The following SGCD variants were observed in gnomAD, a reference collection of about 807,000 sequenced individuals.
SGCD encodes the protein delta-sarcoglycan.
A neutral mutation model predicts 36.6 loss-of-function variants in SGCD; 18 were observed. That is an observed-to-expected ratio of 0.49 (90% CI 0.34 to 0.73). The LOEUF (loss-of-function observed/expected upper bound fraction) is 0.73. Ranked by LOEUF, SGCD falls within the 30% of genes least tolerant of loss-of-function variation. The pLI, the probability that SGCD is intolerant of heterozygous loss-of-function variation, is 0.01. For missense variants in SGCD, 387 were observed against 346.7 expected, an observed-to-expected ratio of 1.12 and a Z score of -0.92; for synonymous variants, 133 against 130.6, an observed-to-expected ratio of 1.02 and a Z score of -0.12.
chr5:156,477,073 C>A (rs1755214395), intron 3 of SGCD, among the ~76,000 whole-genome samples: 2 of 150,206 alleles, frequency 1.3e-5, no homozygotes, highest in Non-Finnish European at 1.5e-5. Flanking sequence ...AAGGAAAACC[C>A]ATACAGTTGT....
intron 1 of SGCD, among the ~76,000 whole-genome samples, chr5:156,067,762 G>A (rs1162255962): frequency 7.4e-5 from 10 of 135,500 alleles, no homozygotes; most frequent in Non-Finnish European, 1.4e-4. Flanking sequence ...GACCCCTTGC[G>A]CTTCCCAGGT....
At chr5:156,338,497 A>G (rs947300494) in intron 2 of SGCD, among the ~76,000 whole-genome samples, 7 of 152,234 alleles carry the variant, frequency 4.6e-5, no homozygotes, top group African/African-American at 1.7e-4. Flanking sequence ...TACCAAGTGT[A>G]GGAAGGAAAG....
chr5:156,445,588 G>T (rs1376370458), intron 3 of SGCD, among the ~76,000 whole-genome samples: 1 of 152,056 alleles, frequency 6.6e-6, no homozygotes, highest in Non-Finnish European at 1.5e-5. Context: ...CTAAGGAGCT[G>T]GACTAGCGGG....
At chr5:156,100,272 C>T (rs950875244) in intron 1 of SGCD, among the ~76,000 whole-genome samples, 1 of 151,472 alleles carries the variant, frequency 6.6e-6, no homozygotes, top group African/African-American at 2.4e-5. Flanking sequence ...CTGACAAAAA[C>T]TAGGATTGGC....
At chr5:156,386,391 TATTAAC>T (rs1224430820) in intron 3 of SGCD, among the ~76,000 whole-genome samples, 16 of 152,344 alleles carry the variant, frequency 1.1e-4, no homozygotes, top group South Asian at 8.3e-4. Context: ...TTAATACAAA[TATTAAC>T]ATAGCACAAA....
chr5:156,414,393 T>C (rs1464522657), intron 3 of SGCD, among the ~76,000 whole-genome samples: 2 of 152,250 alleles, frequency 1.3e-5, no homozygotes. Context: ...TAATGATGCA[T>C]ATCTTTTAAA....
chr5:156,252,768 T>C (rs1445652267), intron 3 of SGCD, among the ~76,000 whole-genome samples: 1 of 152,176 alleles, frequency 6.6e-6, no homozygotes, highest in Non-Finnish European at 1.5e-5. Context: ...AGAAAGTTAT[T>C]TTAGATTACA....
At chr5:156,157,401 T>C (rs890982046) in intron 3 of SGCD, among the ~76,000 whole-genome samples, 1 of 151,744 alleles carries the variant, frequency 6.6e-6, no homozygotes, top group Non-Finnish European at 1.5e-5. Context: ...GGTATTGGAC[T>C]CCAAAGCTGG....
intron 3 of SGCD, among the ~76,000 whole-genome samples, chr5:156,234,020 A>G (rs530275821): frequency 6.6e-6 from 1 of 152,244 alleles, no homozygotes; most frequent in African/African-American, 2.4e-5. Context: ...GCAGTGAATG[A>G]GAATTCCCAT....
intron 1 of SGCD, among the ~76,000 whole-genome samples, chr5:156,017,431 G>T (rs1323395058): frequency 6.6e-6 from 1 of 151,652 alleles, no homozygotes; most frequent in Non-Finnish European, 1.5e-5. Context: ...GGTTATAGAG[G>T]AATTCATTCA....
Position 156,464,730 on chromosome 5 carries a change from C to T in SGCD, c.193-43871C>T, listed in dbSNP as rs75940790. ...ACTTCCTCTTCATGCTTTCTCTTCC[C>T]CTTGAACGAACATGGCTTGCACAAT... On this transcript the variant is annotated intron_variant, in intron 3 of 8. Coordinates refer to ENST00000337851, the MANE Select transcript of SGCD (RefSeq NM_000337.6). Among the ~76,000 whole-genome samples the T allele has an allele frequency of 2.3e-3, 349 of 152,186 alleles. 4 individuals carry two copies. The East Asian group carries it at 0.028, about 12-fold the overall frequency.
chr5:156,580,484 C>T (rs553088587), intron 4 of SGCD, among the ~76,000 whole-genome samples: 10 of 151,130 alleles, frequency 6.6e-5, no homozygotes, highest in Admixed American at 2.0e-4. Flanking sequence ...GGGAACACTC[C>T]GAAGAGTGTT....
At chr5:156,619,062 G>A (rs528992946) in intron 6 of SGCD, among the ~76,000 whole-genome samples, 1 of 144,532 alleles carries the variant, frequency 6.9e-6, no homozygotes, top group Non-Finnish European at 1.5e-5. Flanking sequence ...GTATCGCTCT[G>A]TTGCCCAGGC....
In SGCD at chr5:156,210,452, T is replaced by C. The variant is rs543573302; in HGVS notation, c.-44+86433T>C. Among the ~76,000 whole-genome samples the C allele has an allele frequency of 4.6e-4, 70 of 152,202 alleles. 1 individual carries two copies. The highest frequency in any genetic ancestry group is 1.6e-3 in the African/African-American group (67 of 41,544). On this transcript the variant is annotated intron_variant, in intron 3 of 9. Transcript: ENST00000517913. ...AAAAGGACATAATAAAATCTCTCAG[T>C]AGCTGACCCCTAAGAAATAGAGACA... is the stretch of plus-strand genomic sequence containing the variant.
At chr5:156,145,377 A>G (rs933904630) in intron 3 of SGCD, among the ~76,000 whole-genome samples, 1 of 152,198 alleles carries the variant, frequency 6.6e-6, no homozygotes, top group Non-Finnish European at 1.5e-5. Context: ...CAGAATCATG[A>G]GCCAATTAAA....
chr5:156,655,591 C>A (rs1763640349), intron 7 of SGCD, among the ~76,000 whole-genome samples: 1 of 152,070 alleles, frequency 6.6e-6, no homozygotes, highest in African/African-American at 2.4e-5. Flanking sequence ...TTACAAAGGT[C>A]TATGCCAAAT....
chr5:156,093,179 A>G (rs935680979), intron 1 of SGCD, among the ~76,000 whole-genome samples: 2 of 152,126 alleles, frequency 1.3e-5, no homozygotes, highest in Non-Finnish European at 1.5e-5. Context: ...TGTCTTTCCA[A>G]TGGCCTTCCT....
intron 3 of SGCD, among the ~76,000 whole-genome samples, chr5:156,483,589 G>A (rs894684440): frequency 6.6e-6 from 1 of 152,332 alleles, no homozygotes; most frequent in African/African-American, 2.4e-5. Context: ...TGTATGTGGA[G>A]TCAACCATGG....
chr5:156,737,613 A>G (rs1756441130), intron 7 of SGCD, among the ~76,000 whole-genome samples: 1 of 152,152 alleles, frequency 6.6e-6, no homozygotes, highest in African/African-American at 2.4e-5. Context: ...ACAATATATC[A>G]GTAAGTGGAC....
Sources: gnomAD v4.1 joint callset for allele counts (sites outside exome capture counted in the v4.1 genomes callset) on GRCh38, gnomAD v4.1.1 for gene constraint, MANE v1.5 for transcripts, NCBI Gene and HGNC (gene_info 2026-07-23, HGNC 2026-07-21) for gene names.